EGR4: variants seen among roughly 807,000 people sequenced by gnomAD.
EGR4 encodes the protein early growth response protein 4.
Under a neutral mutation model 25.4 loss-of-function variants are expected in EGR4, and 22 were observed. That is an observed-to-expected ratio of 0.87 (90% CI 0.62 to 1.24). The LOEUF is 1.24. Ranked by LOEUF, EGR4 falls within the 50% of genes most tolerant of loss-of-function variation. EGR4 has a pLI of 0.00. For missense variants in EGR4, 742 were observed against 702.9 expected, an observed-to-expected ratio of 1.06 and a Z score of -0.63; for synonymous variants, 375 against 320.1, an observed-to-expected ratio of 1.17 and a Z score of -1.83.
At position 73,291,764 on chromosome 2, in the gene EGR4, T is replaced by A; in HGVS notation, c.1154A>T (p.Glu385Val). The A allele has an allele frequency of 6.2e-7, 1 of 1,601,358 alleles. No individual in the cohort carries two copies. Among genetic ancestry groups the A allele is most frequent in the Non-Finnish European group, 8.5e-7 (1 of 1,179,426 alleles). Residue 385 changes from glutamate to valine, a missense_variant, in exon 2 of 2, where the codon GAG (glutamate) becomes GTG (valine). Glu to Val is a moderately radical substitution (Grantham distance 121). Transcript: ENST00000436467. ...PHAKAFACPV[E>V]SCVRSFARSD... is the part of the protein sequence containing the mutation. Reference sequence around the variant, plus strand: ...GCGCGCAAAGCTCCGCACACAACTCTCCACCGGGCAAGCGAAGGCCTTGGC... The same window carrying A: ...GCGCGCAAAGCTCCGCACACAACTCACCACCGGGCAAGCGAAGGCCTTGGC...
chr2:73,292,503 G>A lies in EGR4; in HGVS notation c.415C>T (p.Pro139Ser), dbSNP rs763292335. ...PFPAGSDALLPGPPDLYSPDL... is the reference protein window; with the variant it reads ...PFPAGSDALLSGPPDLYSPDL... ...GGGGAGTAAAGGTCCGGCGGACCCG[G>A]CAGCAAGGCATCGGACCCCGCAGGA... The change falls in exon 2 of 2, where the codon CCG (proline) becomes TCG (serine). Residue 139 changes from proline (P) to serine (S), a missense_variant. Physicochemically the swap from Pro to Ser is moderately conservative, Grantham distance 74. Coordinates refer to ENST00000436467, the MANE Select transcript of EGR4 (RefSeq NM_001965.4). The A allele has an allele frequency of 2.4e-5, 37 of 1,516,900 alleles. No individual in the cohort carries two copies. In the African/African-American group the frequency reaches 3.2e-4, roughly 13 times the overall value. The allele number at this position is 1,516,900 out of a possible 1,614,324, so 94.0% of individuals were successfully genotyped here.
rs185291647 is a variant in EGR4, at chr2:73,291,387, G to T, written c.*70C>A. 2,481 of 1,515,712 alleles carry T rather than the reference G, an allele frequency of 1.6e-3. 42 individuals are homozygous for T. In the South Asian group the frequency reaches 0.02, roughly 12 times the overall value. The allele number at this position is 1,515,712 out of a possible 1,614,324, so 93.9% of individuals were successfully genotyped here. A position where few individuals can be genotyped will look rare whatever the true frequency, so the allele number is the denominator to read the frequency against. ...TGCGAGGAGGAGTTGGAAGAAGAGCGGGGAGGGGAACGGCCCGGAACTCGT... is the reference window on the plus strand; with the variant it reads ...TGCGAGGAGGAGTTGGAAGAAGAGCTGGGAGGGGAACGGCCCGGAACTCGT... On this transcript the variant is annotated 3_prime_UTR_variant, in exon 2 of 2. Transcript: ENST00000436467.
In EGR4 at chr2:73,291,343, G is replaced by C. The variant is rs965796323; in HGVS notation, c.*114C>G. 8 of 1,440,362 alleles carry C rather than the reference G, an allele frequency of 5.6e-6. No homozygotes were observed. Among genetic ancestry groups the C allele is most frequent in the Admixed American group, 2.4e-5 (1 of 41,352 alleles). The allele number at this position is 1,440,362 out of a possible 1,614,324, so 89.2% of individuals were successfully genotyped here. A position where few individuals can be genotyped will look rare whatever the true frequency, so the allele number is the denominator to read the frequency against. On this transcript the variant is annotated 3_prime_UTR_variant, in exon 2 of 2. Transcript: ENST00000436467. ...CTTCAAGGAAACTGGAAGCGGGACC[G>C]GAGGCCGGCCCTCGGGCGTGCGAGG...
At position 73,292,621 on chromosome 2, in the gene EGR4, C is replaced by T. The variant is rs1340787892; in HGVS notation, c.297G>A (p.Glu99=). 1.9e-6 allele frequency: 3 copies of T among 1,544,556 alleles called. No homozygotes were observed. Among genetic ancestry groups the T allele is most frequent in the Admixed American group, 2.0e-5 (1 of 49,938 alleles). Residue 99 remains glutamate, a synonymous_variant, in exon 2 of 2, where the codon GAG becomes GAA. Coordinates refer to ENST00000436467, the MANE Select transcript of EGR4 (RefSeq NM_001965.4). The stretch of plus-strand genomic sequence containing the variant: ...TGCCCGACATGAGGTTGAAGAGTGC[C>T]TCCGGGTCGTGCGGGTGTTCGGGCA... ...QAVPEHPHDP[E]ALFNLMSGIL...
At position 73,292,086 on chromosome 2, in the gene EGR4, C is replaced by G; in HGVS notation, c.832G>C (p.Glu278Gln). ...AGCCCAGGGAGGCCCTCAGCCCCCTCCCCTAAGTCACCCGGGGCCAGCGGG... is the reference window on the plus strand; with the variant it reads ...AGCCCAGGGAGGCCCTCAGCCCCCTGCCCTAAGTCACCCGGGGCCAGCGGG... ...AFPLAPGDLG[E>Q]GAEGLPGLLT... The change falls in exon 2 of 2, where the codon GAG (glutamate) becomes CAG (glutamine). Residue 278 changes from glutamate to glutamine, a missense_variant. Transcript: ENST00000436467. The G allele has an allele frequency of 6.2e-7, 1 of 1,610,608 alleles. No homozygotes were observed. Among genetic ancestry groups the G allele is most frequent in the East Asian group, 2.2e-5 (1 of 44,666 alleles).
At position 73,293,434 on chromosome 2, in the gene EGR4, C is replaced by A. The variant is rs1689153365; in HGVS notation, c.-117G>T. The A allele has an allele frequency of 2.6e-6, 4 of 1,520,148 alleles. No homozygotes were observed. Among genetic ancestry groups the A allele is most frequent in the African/African-American group, 1.4e-5 (1 of 69,328 alleles). 94.2% of individuals were successfully genotyped at this position (1,520,148 alleles called of 1,614,324 possible). ...CAGCGCACAGACCTAGGCGCCCGGG[C>A]TCCTGGCTTCGGGCACTCACCTCTG... On this transcript the variant is annotated 5_prime_UTR_variant, in exon 1 of 2. Coordinates refer to ENST00000436467, the MANE Select transcript of EGR4 (RefSeq NM_001965.4).
chr2:73,291,877 C>A lies in EGR4; in HGVS notation c.1041G>T (p.Pro347=), dbSNP rs769310183. Residue 347 remains proline, a synonymous_variant, in exon 2 of 2, where the codon CCG becomes CCT. Transcript: ENST00000436467. ...CCTTGGCCTGGGGGAAAGGGGTGGG[C>A]GGCGGCGGCGGCACGGGTGGTGCAG... ...GVAAPPVPPP[P]PTPFPQAKAR... 29 of 1,562,346 alleles carry A rather than the reference C, an allele frequency of 1.9e-5. No individual in the cohort carries two copies. Among genetic ancestry groups the A allele is most frequent in the Non-Finnish European group, 2.4e-5 (28 of 1,158,788 alleles).
At position 73,293,204 on chromosome 2, in the gene EGR4, G is replaced by A. The variant is rs1300532763; in HGVS notation, c.114C>T (p.Pro38=). The A allele has an allele frequency of 1.7e-5, 26 of 1,549,248 alleles. No individual in the cohort carries two copies. The highest frequency in any genetic ancestry group is 2.2e-5 in the Non-Finnish European group (25 of 1,147,320). The part of the protein sequence containing the change: ...ELPRLPARDA[P]AATGYPGAGD... The stretch of plus-strand genomic sequence containing the variant: ...TACCTCCAGGGTAGCCGGTGGCCGC[G>A]GGAGCGTCCCTGGCAGGCAGCCGGG... Residue 38 remains proline, a synonymous_variant, in exon 1 of 2, where the codon CCC becomes CCT. Coordinates refer to ENST00000436467, the MANE Select transcript of EGR4 (RefSeq NM_001965.4).
rs752525131 is a variant in EGR4, at chr2:73,292,684, G to A, written c.234C>T (p.Pro78=). ...FLEGPAPTPP[P]GLSYSGSFFI... ...AGAAGCTACCGCTGTAGCTGAGGCCGGGAGGGGGTGTGGGCGCAGGCCCCT... is the reference window on the plus strand; with the variant it reads ...AGAAGCTACCGCTGTAGCTGAGGCCAGGAGGGGGTGTGGGCGCAGGCCCCT... The change falls in exon 2 of 2, where the codon CCC becomes CCT. Residue 78 remains proline, a synonymous_variant. Transcript: ENST00000436467. 2.8e-5 allele frequency: 43 copies of A among 1,533,152 alleles called. No individual in the cohort carries two copies. The highest frequency in any genetic ancestry group is 3.8e-5 in the Non-Finnish European group (43 of 1,140,532). The allele number at this position is 1,533,152 out of a possible 1,614,324, so 95.0% of individuals were successfully genotyped here. A position where few individuals can be genotyped will look rare whatever the true frequency, so the allele number is the denominator to read the frequency against.
At position 73,293,272 on chromosome 2, in the gene EGR4, T is replaced by C. The variant is rs1449479206; in HGVS notation, c.46A>G (p.Lys16Glu). Residue 16 changes from lysine (K) to glutamate (E), a missense_variant, in exon 1 of 2, where the codon AAG (lysine) becomes GAG (glutamate). Transcript: ENST00000436467. The stretch of plus-strand genomic sequence containing the variant: ...TCGGCGCAACAGCCTTCAGTGGACT[T>C]GACGAGGAGCGCGTCGGGTTCGGAA... ...EFSEPDALLV[K>E]STEGCCAEPS... The C allele has an allele frequency of 2.5e-6, 4 of 1,587,668 alleles. No homozygotes were observed. Among genetic ancestry groups the C allele is most frequent in the Non-Finnish European group, 3.4e-6 (4 of 1,169,522 alleles).
Position 73,293,310 on chromosome 2 carries a change from TG to T in EGR4, c.7del (p.His3ThrfsTer48). 6.3e-7 allele frequency: 1 copy of T among 1,583,660 alleles called. No homozygotes were observed. The highest frequency in any genetic ancestry group is 8.6e-7 in the Non-Finnish European group (1 of 1,167,882). ...GTCGGGTTCGGAAAACTCGCTAAGG[TG>T]GAGCATGGCGCGGCGCCGGCTGTGG... is the stretch of plus-strand genomic sequence containing the variant. ML[H>X]LSEFSEPDAL... On this transcript the variant is annotated frameshift_variant, in exon 1 of 2. Coordinates refer to ENST00000436467, the MANE Select transcript of EGR4 (RefSeq NM_001965.4). LOFTEE classifies it high-confidence loss of function.
chr2:73,292,124 G>T lies in EGR4; in HGVS notation c.794C>A (p.Ala265Asp). The T allele has an allele frequency of 6.3e-7, 1 of 1,599,206 alleles. No individual in the cohort carries two copies. Among genetic ancestry groups the T allele is most frequent in the Non-Finnish European group, 8.5e-7 (1 of 1,172,964 alleles). The stretch of plus-strand genomic sequence containing the variant: ...CGGGGCCAGCGGGAAAGCGTCATAG[G>T]CCCCGCTGGGATAGAGTCTGTTGGC... The part of the protein sequence containing the change: ...VPANRLYPSG[A>D]YDAFPLAPGD... Residue 265 changes from alanine to aspartate, a missense_variant, in exon 2 of 2, where the codon GCC becomes GAC. By Grantham distance (126) the Ala-to-Asp change is moderately radical. Transcript: ENST00000436467.
chr2:73,292,409 T>G lies in EGR4; in HGVS notation c.509A>C (p.Gln170Pro), dbSNP rs1216513162. Residue 170 changes from glutamine (Q) to proline (P), a missense_variant, in exon 2 of 2, where the codon CAG becomes CCG. Coordinates refer to ENST00000436467, the MANE Select transcript of EGR4 (RefSeq NM_001965.4). Reference protein sequence around the residue: ...EASPCAGAPSQCLYEPQLSPP... With the variant: ...EASPCAGAPSPCLYEPQLSPP... ...GGAGAGCTGAGGCTCATACAGGCAC[T>G]GCGAGGGGGCACCCGCGCAAGGCGA... The G allele has an allele frequency of 4.0e-6, 6 of 1,504,502 alleles. No homozygotes were observed. The East Asian group carries it at 1.4e-4, about 35-fold the overall frequency. 93.2% of individuals were successfully genotyped at this position (1,504,502 alleles called of 1,614,324 possible).
Position 73,292,055 on chromosome 2 carries a change from G to T in EGR4, c.863C>A (p.Thr288Asn). The T allele has an allele frequency of 1.2e-6, 2 of 1,610,686 alleles. No individual in the cohort carries two copies. The highest frequency in any genetic ancestry group is 1.7e-6 in the Non-Finnish European group (2 of 1,178,508). ...ACTCCCTCCCTCCCCACTAGGAGGG[G>T]TCAGGAGCCCAGGGAGGCCCTCAGC... ...EGAEGLPGLL[T>N]PPSGEGGSSG... The change falls in exon 2 of 2, where the codon ACC (threonine) becomes AAC (asparagine). Residue 288 changes from threonine (T) to asparagine (N), a missense_variant. Coordinates refer to ENST00000436467, the MANE Select transcript of EGR4 (RefSeq NM_001965.4).
At position 73,292,399 on chromosome 2, in the gene EGR4, A is replaced by G. The variant is rs772561843; in HGVS notation, c.519T>C (p.Tyr173=). The part of the protein sequence containing the change: ...PCAGAPSQCL[Y]EPQLSPPDVK... ...CGTCGGGCGGGGAGAGCTGAGGCTC[A>G]TACAGGCACTGCGAGGGGGCACCCG... The change falls in exon 2 of 2, where the codon TAT becomes TAC. Residue 173 remains tyrosine, a synonymous_variant. Coordinates refer to ENST00000436467, the MANE Select transcript of EGR4 (RefSeq NM_001965.4). The G allele has an allele frequency of 2.6e-6, 4 of 1,517,396 alleles. No homozygotes were observed. Among genetic ancestry groups the G allele is most frequent in the Non-Finnish European group, 3.5e-6 (4 of 1,135,330 alleles). 94.0% of individuals were successfully genotyped at this position (1,517,396 alleles called of 1,614,324 possible).
At position 73,293,522 on chromosome 2, in the gene EGR4, T is replaced by G. The variant is rs1375272518; in HGVS notation, c.-205A>C. 2.7e-6 allele frequency: 4 copies of G among 1,488,934 alleles called. No homozygotes were observed. Among genetic ancestry groups the G allele is most frequent in the Non-Finnish European group, 3.6e-6 (4 of 1,122,290 alleles). 92.2% of individuals were successfully genotyped at this position (1,488,934 alleles called of 1,614,324 possible). Reference sequence around the variant, plus strand: ...CGCACCGGCCTCGGGCGGCGGCTCCTCGCCTCTCCAAAGCGCTGCCGGGCT... The same window carrying G: ...CGCACCGGCCTCGGGCGGCGGCTCCGCGCCTCTCCAAAGCGCTGCCGGGCT... On this transcript the variant is annotated 5_prime_UTR_variant, in exon 1 of 2. Coordinates refer to ENST00000436467, the MANE Select transcript of EGR4 (RefSeq NM_001965.4).
At position 73,291,608 on chromosome 2, in the gene EGR4, GGCTTCTC is replaced by G; in HGVS notation, c.1303_1309del (p.Glu435LeufsTer135). The G allele has an allele frequency of 6.2e-7, 1 of 1,613,310 alleles. No individual in the cohort carries two copies. Among genetic ancestry groups the G allele is most frequent in the Non-Finnish European group, 8.5e-7 (1 of 1,179,922 alleles). On this transcript the variant is annotated frameshift_variant, in exon 2 of 2. Coordinates refer to ENST00000436467, the MANE Select transcript of EGR4 (RefSeq NM_001965.4). LOFTEE classifies it high-confidence loss of function. Reference sequence around the variant, plus strand: ...GCGGCCGCACACGTCGCAAGCAAAAGGCTTCTCGCCGGTGTGGGTGCGCACGTGCGTG... The same window carrying G: ...GCGGCCGCACACGTCGCAAGCAAAAGGCCGGTGTGGGTGCGCACGTGCGTG...
Position 73,292,252 on chromosome 2 carries a change from C to T in EGR4, c.666G>A (p.Gln222=), listed in dbSNP as rs752005782. The T allele has an allele frequency of 1.9e-6, 3 of 1,611,194 alleles. No individual in the cohort carries two copies. Among genetic ancestry groups the T allele is most frequent in the Admixed American group, 3.4e-5 (2 of 59,572 alleles). The part of the protein sequence containing the change: ...SVGAPGNCGS[Q]GDYQAAPEAR... The stretch of plus-strand genomic sequence containing the variant: ...CCTCCGGGGCGGCCTGGTAGTCTCC[C>T]TGTGACCCACAGTTCCCTGGGGCCC... The change falls in exon 2 of 2, where the codon CAG becomes CAA. Residue 222 remains glutamine, a synonymous_variant. Coordinates refer to ENST00000436467, the MANE Select transcript of EGR4 (RefSeq NM_001965.4).
chr2:73,293,355 C>G lies in EGR4; in HGVS notation c.-38G>C. 6.5e-7 allele frequency: 1 copy of G among 1,535,324 alleles called. No homozygotes were observed. Among genetic ancestry groups the G allele is most frequent in the South Asian group, 1.2e-5 (1 of 81,822 alleles). On this transcript the variant is annotated 5_prime_UTR_variant, in exon 1 of 2. Coordinates refer to ENST00000436467, the MANE Select transcript of EGR4 (RefSeq NM_001965.4). Reference sequence around the variant, plus strand: ...GCTGTGGGGCGCCCGGGGCCTCGCCCGCTGGGCTTGGGGGCGCGCGGGTGG... The same window carrying G: ...GCTGTGGGGCGCCCGGGGCCTCGCCGGCTGGGCTTGGGGGCGCGCGGGTGG...
Sources: allele counts gnomAD v4.1 joint callset, GRCh38; gene constraint gnomAD v4.1.1; transcripts MANE v1.5; gene names NCBI Gene and HGNC (gene_info 2026-07-23, HGNC 2026-07-21).